UBTD2: variants seen among roughly 807,000 people sequenced by gnomAD.
UBTD2 encodes ubiquitin domain-containing protein 2.
In UBTD2, 9 loss-of-function variants were observed where a neutral mutation model predicts 19.8. The ratio of observed to expected loss-of-function variants is 0.46; its 90% CI spans 0.27 to 0.79. The LOEUF is 0.79. UBTD2 is among the 30% of genes least tolerant of loss of function. The pLI, the probability that UBTD2 is intolerant of heterozygous loss-of-function variation, is 0.14. For synonymous variants in UBTD2, 98 were observed against 103.9 expected (o/e 0.94, Z 0.35); for missense variants, 250 against 300.4 (o/e 0.83, Z 1.24).
rs1417575499 is a variant in UBTD2 at position 172,283,679 on chromosome 5, G to T, written c.-14C>A. The T allele has an allele frequency of 1.6e-6, 2 of 1,230,966 alleles. No individual in the cohort carries two copies. Among genetic ancestry groups the T allele is most frequent in the African/African-American group, 3.1e-5 (2 of 63,638 alleles). 76.3% of individuals were successfully genotyped at this position (1,230,966 alleles called of 1,614,324 possible). On this transcript the variant is annotated 5_prime_UTR_variant, in exon 1 of 3. Coordinates refer to ENST00000393792, the MANE Select transcript of UBTD2 (RefSeq NM_152277.3). The surrounding 1 kb of genome is among the most constrained non-coding windows in gnomAD (Gnocchi z 4.3). ...ACACCCGCCCATGGGGGCCCCCGGC[G>T]CCTCGTCCGCCACCTCCGGACGCTC...
Position 172,210,860 on chromosome 5 carries a change from T to C in UBTD2, c.*970A>G, listed in dbSNP as rs562688625. On this transcript the variant is annotated 3_prime_UTR_variant, in exon 3 of 3. Coordinates refer to ENST00000393792, the MANE Select transcript of UBTD2 (RefSeq NM_152277.3). Reference sequence around the variant, plus strand: ...GCAAAGTGGAGGAAATCATTTACTTTATTAACTTGAGTGGGAACAGCTATA... The same window carrying C: ...GCAAAGTGGAGGAAATCATTTACTTCATTAACTTGAGTGGGAACAGCTATA... The C allele has an allele frequency of 4.6e-5, 7 of 152,118 alleles. No homozygotes were observed. The highest frequency in any genetic ancestry group is 2.9e-5 in the Non-Finnish European group (2 of 68,038). 9.4% of individuals were successfully genotyped at this position (152,118 alleles called of 1,614,324 possible).
chr5:172,282,860 G>GT (rs1387500597), intron 1 of UBTD2, among the ~76,000 whole-genome samples: 1 of 152,192 alleles, frequency 6.6e-6, no homozygotes, highest in East Asian at 1.9e-4. Context: ...ACTGGGTGGG[G>GT]TAAGTCAGGG....
At chr5:172,256,681 G>A (rs1053387292) in intron 1 of UBTD2, among the ~76,000 whole-genome samples, 4 of 152,020 alleles carry the variant, frequency 2.6e-5, no homozygotes, top group African/African-American at 9.7e-5. Context: ...AGCACTTTGG[G>A]AGGCCAAGGC....
intron 1 of UBTD2, among the ~76,000 whole-genome samples, chr5:172,261,414 C>T (rs376861207): frequency 5.3e-5 from 8 of 152,326 alleles, no homozygotes; most frequent in African/African-American, 1.9e-4. Flanking sequence ...AGTGAAACTT[C>T]TTTCCCCACA....
chr5:172,247,914 G>C (rs1248819974), intron 1 of UBTD2, among the ~76,000 whole-genome samples: 3 of 152,116 alleles, frequency 2.0e-5, no homozygotes, highest in Non-Finnish European at 1.5e-5. Flanking sequence ...CTCCAGGATA[G>C]ACTATATGTT....
At chr5:172,282,856 TG>T (rs1400505581) in intron 1 of UBTD2, among the ~76,000 whole-genome samples, 3 of 152,130 alleles carry the variant, frequency 2.0e-5, no homozygotes, top group Admixed American at 2.0e-4. Flanking sequence ...TCTTACTGGG[TG>T]GGGTAAGTCA....
chr5:172,267,039 TAAAAAA>T (rs34544452), intron 1 of UBTD2, among the ~76,000 whole-genome samples: 2 of 119,332 alleles, frequency 1.7e-5, no homozygotes, highest in African/African-American at 3.2e-5. Flanking sequence ...AGCCTCTCTT[TAAAAAA>T]AAAAAAAAAA....
At chr5:172,275,486 G>A (rs996257398) in intron 1 of UBTD2, among the ~76,000 whole-genome samples, 7 of 152,122 alleles carry the variant, frequency 4.6e-5, no homozygotes, top group African/African-American at 1.7e-4. Flanking sequence ...GCAGAGACCT[G>A]CTTCCCTCTT....
At chr5:172,218,817 TAA>T (rs1554127124) in intron 2 of UBTD2, among the ~76,000 whole-genome samples, 2 of 89,712 alleles carry the variant, frequency 2.2e-5, no homozygotes, top group African/African-American at 7.4e-5. Flanking sequence ...AAATAAAAAA[TAA>T]AAATAAAAAA....
At position 172,212,165 on chromosome 5, in the gene UBTD2, C is replaced by T; in HGVS notation, c.370G>A (p.Ala124Thr). 2 of 1,614,078 alleles carry T rather than the reference C, an allele frequency of 1.2e-6. No homozygotes were observed. Among genetic ancestry groups the T allele is most frequent in the Non-Finnish European group, 8.5e-7 (1 of 1,179,948 alleles). Residue 124 changes from alanine (A) to threonine (T), a missense_variant, in exon 3 of 3, where the codon GCA becomes ACA. By Grantham distance (58) the Ala-to-Thr change is moderately conservative (BLOSUM62 0). Coordinates refer to ENST00000393792, the MANE Select transcript of UBTD2 (RefSeq NM_152277.3). ...NRYQLPVYCL[A>T]PPINMIEEKS... ...TCCTCTATCATGTTGATTGGCGGTG[C>T]CAAGCAATACACTGGAAGCTGATAT...
chr5:172,224,349 G>A (rs1034369395), intron 2 of UBTD2, among the ~76,000 whole-genome samples: 1 of 148,812 alleles, frequency 6.7e-6, no homozygotes, highest in Non-Finnish European at 1.5e-5. Context: ...GCCCAGGCTG[G>A]AGTGAGGTGG....
In UBTD2 at chr5:172,254,756, G is replaced by C. The variant is rs543770733; in HGVS notation, c.71-20398C>G. 264 of 258,648 alleles carry C rather than the reference G, an allele frequency of 1.0e-3. 5 individuals carry two copies. In the East Asian group the frequency reaches 0.028, roughly 27 times the overall value. The allele number at this position is 258,648 out of a possible 1,614,324, so 16.0% of individuals were successfully genotyped here. On this transcript the variant is annotated intron_variant, in intron 1 of 2. Transcript: ENST00000393792. The stretch of plus-strand genomic sequence containing the variant: ...TGGGGGGGAACACTGAGTTCATTAA[G>C]GGGGGGGTGACATTTCTTCAGGATA...
At chr5:172,246,735 C>A (rs184595636) in intron 1 of UBTD2, among the ~76,000 whole-genome samples, 3 of 144,428 alleles carry the variant, frequency 2.1e-5, no homozygotes, top group African/African-American at 7.7e-5. Context: ...TGAGCCACCA[C>A]GCCCAGCCGA....
intron 1 of UBTD2, among the ~76,000 whole-genome samples, chr5:172,245,196 C>T (rs1405478249): frequency 1.3e-5 from 2 of 152,280 alleles, no homozygotes; most frequent in East Asian, 3.9e-4. Context: ...TGCCACTTTA[C>T]CCCAAAGGCA....
At chr5:172,277,232 A>AT (rs1755622743) in intron 1 of UBTD2, among the ~76,000 whole-genome samples, 1 of 152,156 alleles carries the variant, frequency 6.6e-6, no homozygotes, top group East Asian at 1.9e-4. Flanking sequence ...ATCAGATCAG[A>AT]CAGAGGAAAT....
chr5:172,253,318 C>G (rs7722367), intron 1 of UBTD2, among the ~76,000 whole-genome samples: 1 of 152,172 alleles, frequency 6.6e-6, no homozygotes, highest in South Asian at 2.1e-4. Context: ...AAACTATGCT[C>G]ATAAAAGCTT....
intron 1 of UBTD2, among the ~76,000 whole-genome samples, chr5:172,248,519 C>T (rs61214103): frequency 6.6e-6 from 1 of 151,544 alleles, no homozygotes; most frequent in Non-Finnish European, 1.5e-5. Flanking sequence ...ACCCAGGAGG[C>T]GAAGGTTGCA....
At chr5:172,273,547 T>C (rs545143085) in intron 1 of UBTD2, among the ~76,000 whole-genome samples, 29 of 133,368 alleles carry the variant, frequency 2.2e-4, no homozygotes, top group African/African-American at 8.0e-4. Flanking sequence ...GCCGAGATTG[T>C]ACCACTGCGC....
intron 1 of UBTD2, among the ~76,000 whole-genome samples, chr5:172,280,389 A>G (rs936790547): frequency 1.3e-5 from 2 of 151,972 alleles, no homozygotes; most frequent in Non-Finnish European, 2.9e-5. Context: ...GGGCACCCGT[A>G]ATCCCAGCTA....
Sources: gnomAD v4.1 joint callset for allele counts (sites outside exome capture counted in the v4.1 genomes callset) on GRCh38, gnomAD v4.1.1 for gene constraint, Gnocchi (gnomAD v3.1) non-coding constraint, MANE v1.5 for transcripts, NCBI Gene and HGNC (gene_info 2026-07-23, HGNC 2026-07-21) for gene names.